The following CDH18 variants were observed in gnomAD, a reference collection of about 807,000 sequenced individuals.
CDH18 encodes cadherin 18, also known as cadherin-18.
A neutral mutation model predicts 67.9 loss-of-function variants in CDH18; 31 were observed. The ratio of observed to expected loss-of-function variants is 0.46; its 90% confidence interval spans 0.34 to 0.62. The LOEUF (loss-of-function observed/expected upper bound fraction) is 0.62. Ranked by LOEUF, CDH18 falls within the 20% of genes least tolerant of loss-of-function variation. The pLI is 0.01. For synonymous variants in CDH18, 362 were observed against 347.2 expected (o/e 1.04, Z -0.48); for missense variants, 890 against 975.5 (o/e 0.91, Z 1.17).
At chr5:19,841,313 C>T (rs1370568585) in intron 2 of CDH18, among the ~76,000 whole-genome samples, 1 of 152,102 alleles carries the variant, frequency 6.6e-6, no homozygotes, top group Non-Finnish European at 1.5e-5. Context: ...GAGAGCAATA[C>T]TATTCTAGCT....
At chr5:20,064,072 TTATC>T (rs1265162983) in intron 2 of CDH18, among the ~76,000 whole-genome samples, 5 of 152,208 alleles carry the variant, frequency 3.3e-5, no homozygotes, top group Admixed American at 6.5e-5. Context: ...TCCAGAACAA[TTATC>T]TATTAATGGA....
At chr5:20,049,282 A>G (rs1044003845) in intron 2 of CDH18, among the ~76,000 whole-genome samples, 2 of 151,652 alleles carry the variant, frequency 1.3e-5, no homozygotes, top group African/African-American at 2.4e-5. Context: ...AGAACAGTAA[A>G]AAACAAGACA....
chr5:20,056,454 A>ATTTTTTTTTTTTTTTT (rs1194617405), intron 2 of CDH18, among the ~76,000 whole-genome samples: 2 of 16,448 alleles, frequency 1.2e-4, no homozygotes, highest in Admixed American at 6.5e-4. Flanking sequence ...TTTTTTTATT[A>ATTTTTTTTTTTTTTTT]TTTTTCTTTA....
At chr5:20,436,250 T>C (rs535008012) in intron 1 of CDH18, among the ~76,000 whole-genome samples, 59 of 152,120 alleles carry the variant, frequency 3.9e-4, no homozygotes, top group African/African-American at 1.4e-3. Flanking sequence ...TGTTGTTAAT[T>C]GGGTCCATTG....
At position 20,251,773 on chromosome 5, in the gene CDH18, C is replaced by A. The variant is rs541879683; in HGVS notation, c.-518+3671G>T. On this transcript the variant is annotated intron_variant, in intron 2 of 14. Coordinates refer to the CDH18 transcript ENST00000507958. The stretch of plus-strand genomic sequence containing the variant: ...TCATATATTACCAAAAGGAAAGATC[C>A]GTATTTCAAATTAATGTTCAAAAAT... 1.4e-4 allele frequency among the ~76,000 whole-genome samples: 21 copies of A among 152,066 alleles called. No homozygotes were observed. In the South Asian group the frequency reaches 3.9e-3, roughly 29 times the overall value.
chr5:20,294,569 C>T (rs556042924), intron 1 of CDH18, among the ~76,000 whole-genome samples: 1 of 152,252 alleles, frequency 6.6e-6, no homozygotes, highest in South Asian at 2.1e-4. Context: ...AAGCAGATTA[C>T]AAAATTTATA....
intron 1 of CDH18, among the ~76,000 whole-genome samples, chr5:20,438,697 A>C (rs964803518): frequency 6.6e-6 from 1 of 151,440 alleles, no homozygotes; most frequent in Non-Finnish European, 1.5e-5. Context: ...TTATCCTGAT[A>C]CTGATGAAAG....
Position 19,965,435 on chromosome 5 carries a change from C to T in CDH18, c.-257+15625G>A, listed in dbSNP as rs1797330402. On this transcript the variant is annotated intron_variant, in intron 2 of 12. Transcript: ENST00000382275. ...TTCAATGTTTTAAATGGCTTGATGA[C>T]TTTACATAAACTATATCTGACTTTA... Among the ~76,000 whole-genome samples, 3 of 152,172 alleles carry T rather than the reference C, an allele frequency of 2.0e-5. 1 individual carries two copies. In the South Asian group the frequency reaches 6.2e-4, roughly 32 times the overall value.
intron 2 of CDH18, among the ~76,000 whole-genome samples, chr5:19,855,066 A>T (rs1784119806): frequency 1.3e-5 from 2 of 152,030 alleles, no homozygotes; most frequent in South Asian, 4.1e-4. Flanking sequence ...GTTGCAAATG[A>T]CAAGATTTCA....
intron 1 of CDH18, chr5:20,304,313 G>A (rs1736220935): frequency 1.9e-6 from 3 of 1,596,838 alleles, no homozygotes; most frequent in South Asian, 2.2e-5. Context: ...TAAATGCAGA[G>A]TACCTATGAC....
chr5:20,252,743 C>T (rs1473805589), intron 2 of CDH18, among the ~76,000 whole-genome samples: 2 of 152,040 alleles, frequency 1.3e-5, no homozygotes. Flanking sequence ...GGAGACCACC[C>T]TGGCTAACAT....
At chr5:19,546,552 G>A (rs180998409) in intron 8 of CDH18, among the ~76,000 whole-genome samples, 34 of 152,254 alleles carry the variant, frequency 2.2e-4, no homozygotes, top group Non-Finnish European at 4.6e-4. Flanking sequence ...GAAAAGCTGG[G>A]TAGAAATATA....
At chr5:20,168,930 A>T (rs2126639259) in intron 2 of CDH18, among the ~76,000 whole-genome samples, 1 of 152,238 alleles carries the variant, frequency 6.6e-6, no homozygotes, top group Non-Finnish European at 1.5e-5. Context: ...AATCAAAGCA[A>T]TTGAACTCAT....
intron 1 of CDH18, among the ~76,000 whole-genome samples, chr5:20,290,172 A>G (rs1746999023): frequency 6.6e-6 from 1 of 151,890 alleles, no homozygotes; most frequent in African/African-American, 2.4e-5. Flanking sequence ...GCTTGTTAGG[A>G]CTCTCTGAGC....
intron 1 of CDH18, among the ~76,000 whole-genome samples, chr5:20,320,406 A>G (rs1269238140): frequency 6.6e-6 from 1 of 152,186 alleles, no homozygotes; most frequent in Admixed American, 6.5e-5. Context: ...CTGAGGAACT[A>G]TGACAGGGAT....
chr5:20,140,582 A>C (rs1343253787), intron 2 of CDH18, among the ~76,000 whole-genome samples: 1 of 152,128 alleles, frequency 6.6e-6, no homozygotes, highest in Non-Finnish European at 1.5e-5. Context: ...GTCCAGATGC[A>C]ACTTCCAACA....
rs1762046830 is a variant in CDH18, at chr5:19,692,622, A to C, written c.643+28725T>G. ...CGATATGCAAATGGCCAACAGGTAT[A>C]AGAATAATACTAGATATCACTAATC... On this transcript the variant is annotated intron_variant, in intron 5 of 12. Coordinates refer to ENST00000382275, the MANE Select transcript of CDH18 (RefSeq NM_004934.5). Among the ~76,000 whole-genome samples the C allele has an allele frequency of 6.6e-5, 10 of 152,024 alleles. No homozygotes were observed. The South Asian group carries it at 1.9e-3, about 28-fold the overall frequency.
chr5:19,970,064 T>C (rs949391406), intron 2 of CDH18, among the ~76,000 whole-genome samples: 1 of 151,684 alleles, frequency 6.6e-6, no homozygotes, highest in African/African-American at 2.4e-5. Context: ...ATTACATGAG[T>C]GATAACCATG....
chr5:19,742,428 G>A (rs1014477980), intron 4 of CDH18, among the ~76,000 whole-genome samples: 20 of 142,886 alleles, frequency 1.4e-4, no homozygotes, highest in Non-Finnish European at 2.4e-4. Context: ...ACACACACAC[G>A]GACACACATC....
Sources: allele counts gnomAD v4.1 joint callset (sites outside exome capture counted in the v4.1 genomes callset), GRCh38; gene constraint gnomAD v4.1.1; transcripts MANE v1.5; gene names NCBI Gene and HGNC (gene_info 2026-07-23, HGNC 2026-07-21).